Variants in MNAT1 observed in about 807,000 individuals in gnomAD.
MNAT1 encodes CDK-activating kinase assembly factor MAT1.
MNAT1 carries 43 observed loss-of-function variants against 42.0 expected under a neutral mutation model. That is an observed-to-expected ratio of 1.02 (90% CI 0.80 to 1.32). The LOEUF (loss-of-function observed/expected upper bound fraction) is 1.32. Among genes scored for constraint, MNAT1 ranks in the 40% most tolerant of loss-of-function variants. The pLI, the probability that MNAT1 is intolerant of heterozygous loss-of-function variation, is 0.00. For synonymous variants in MNAT1, 118 were observed against 120.0 expected (o/e 0.98, Z 0.11); for missense variants, 306 against 350.4 (o/e 0.87, Z 1.01).
At chr14:60,828,305 C>A (rs1039178363) in intron 6 of MNAT1, among the ~76,000 whole-genome samples, 2 of 151,984 alleles carry the variant, frequency 1.3e-5, no homozygotes, top group African/African-American at 4.8e-5. Flanking sequence ...GGATGCCTGG[C>A]TCGTTGTAAA....
At chr14:60,886,344 C>T (rs2034670343) in intron 7 of MNAT1, among the ~76,000 whole-genome samples, 2 of 151,942 alleles carry the variant, frequency 1.3e-5, no homozygotes, top group Admixed American at 6.6e-5. Context: ...GTAGTATGGA[C>T]ATTTTAACAA....
intron 7 of MNAT1, among the ~76,000 whole-genome samples, chr14:60,953,813 A>C (rs2036429172): frequency 6.6e-6 from 1 of 152,136 alleles, no homozygotes; most frequent in Non-Finnish European, 1.5e-5. Context: ...TTTTCATAGT[A>C]GCCATCCTAA....
At chr14:60,769,546 A>C (rs1440801344) in intron 1 of MNAT1, among the ~76,000 whole-genome samples, 2 of 152,208 alleles carry the variant, frequency 1.3e-5, no homozygotes, top group East Asian at 3.9e-4. Context: ...GACCTCCCTA[A>C]GTGTTGCGAT....
chr14:60,911,999 G>T (rs1352776810), intron 7 of MNAT1, among the ~76,000 whole-genome samples: 1 of 152,022 alleles, frequency 6.6e-6, no homozygotes, highest in Non-Finnish European at 1.5e-5. Flanking sequence ...ATGAATCTGG[G>T]TGCTCCTGTA....
intron 6 of MNAT1, among the ~76,000 whole-genome samples, chr14:60,853,828 G>T (rs955881061): frequency 6.6e-6 from 1 of 152,184 alleles, no homozygotes; most frequent in East Asian, 1.9e-4. Flanking sequence ...CATTGGTTCT[G>T]TTTATGTGAT....
intron 6 of MNAT1, among the ~76,000 whole-genome samples, chr14:60,847,630 G>T (rs1167680201): frequency 6.6e-6 from 1 of 151,834 alleles, no homozygotes; most frequent in Non-Finnish European, 1.5e-5. Flanking sequence ...GGTGCTTTTT[G>T]TTCTTCTCTT....
At chr14:60,911,448 C>G (rs897682445) in intron 7 of MNAT1, among the ~76,000 whole-genome samples, 25 of 152,178 alleles carry the variant, frequency 1.6e-4, no homozygotes, top group African/African-American at 5.8e-4. Context: ...CCTCCTTTCT[C>G]TTGTGGGCAC....
chr14:60,904,976 C>CTTTTTTTTTTTTTTTTTTTTTT (rs3081651), intron 7 of MNAT1, among the ~76,000 whole-genome samples: 3 of 79,010 alleles, frequency 3.8e-5, no homozygotes, highest in African/African-American at 8.9e-5. Context: ...TCAGCAGTTC[C>CTTTTTTTTTTTTTTTTTTTTTT]TTTTTTTTTT....
chr14:60,781,772 T>G (rs2031468088), intron 1 of MNAT1, among the ~76,000 whole-genome samples: 1 of 152,146 alleles, frequency 6.6e-6, no homozygotes, highest in African/African-American at 2.4e-5. Flanking sequence ...GATTTCTTTT[T>G]GTGTATAGGG....
chr14:60,847,045 C>A (rs1367457436), intron 6 of MNAT1, among the ~76,000 whole-genome samples: 1 of 152,188 alleles, frequency 6.6e-6, no homozygotes. Context: ...TTTATATCTT[C>A]ATGATATTGA....
chr14:60,868,665 G>T (rs904119438), intron 6 of MNAT1, among the ~76,000 whole-genome samples: 2 of 152,090 alleles, frequency 1.3e-5, no homozygotes, highest in Admixed American at 1.3e-4. Context: ...TCAGTAGGTG[G>T]TTATATTTGT....
chr14:60,826,066 A>G (rs2033043923), intron 6 of MNAT1, among the ~76,000 whole-genome samples: 1 of 152,176 alleles, frequency 6.6e-6, no homozygotes, highest in South Asian at 2.1e-4. Context: ...ATGACTAAGA[A>G]ATGAGGATTT....
chr14:60,926,886 G>T (rs1285611659), intron 7 of MNAT1, among the ~76,000 whole-genome samples: 1 of 152,034 alleles, frequency 6.6e-6, no homozygotes, highest in Non-Finnish European at 1.5e-5. Context: ...CCATCCTGAG[G>T]CCATTCAGGA....
At chr14:60,848,370 A>G (rs965086588) in intron 6 of MNAT1, among the ~76,000 whole-genome samples, 1 of 152,110 alleles carries the variant, frequency 6.6e-6, no homozygotes, top group African/African-American at 2.4e-5. Flanking sequence ...TTTAGGGCCC[A>G]GCAGGGCTTT....
At chr14:60,881,742 A>G (rs1018611042) in intron 7 of MNAT1, among the ~76,000 whole-genome samples, 67 of 152,304 alleles carry the variant, frequency 4.4e-4, no homozygotes, top group South Asian at 3.7e-3. Flanking sequence ...ATTAAGGTAG[A>G]TGGTATATCC....
At chr14:60,948,631 G>T (rs2036326575) in intron 7 of MNAT1, among the ~76,000 whole-genome samples, 1 of 151,886 alleles carries the variant, frequency 6.6e-6, no homozygotes, top group Non-Finnish European at 1.5e-5. Flanking sequence ...GACTTCTCCG[G>T]GTGACCAGTT....
At chr14:60,872,867 CACAT>C (rs773774937) in intron 6 of MNAT1, among the ~76,000 whole-genome samples, 5,132 of 146,958 alleles carry the variant, frequency 0.035, 90 homozygotes, top group African/African-American at 0.055. Flanking sequence ...CACACACACA[CACAT>C]ATATATATGC....
intron 7 of MNAT1, among the ~76,000 whole-genome samples, chr14:60,921,906 G>A (rs1378665041): frequency 6.6e-6 from 1 of 152,052 alleles, no homozygotes; most frequent in African/African-American, 2.4e-5. Flanking sequence ...TTTACATACA[G>A]TGTTGTATTC....
chr14:60,835,797 A>T (rs779512485), intron 6 of MNAT1, among the ~76,000 whole-genome samples: 6 of 152,272 alleles, frequency 3.9e-5, no homozygotes, highest in Admixed American at 1.3e-4. Context: ...TAGGTTGGGG[A>T]AGTTCTCCTG....
Sources: gnomAD v4.1 joint callset for allele counts (sites outside exome capture counted in the v4.1 genomes callset) on GRCh38, gnomAD v4.1.1 for gene constraint, MANE v1.5 for transcripts, NCBI Gene and HGNC (gene_info 2026-07-23, HGNC 2026-07-21) for gene names.